Variants in SLC6A4 observed in about 807,000 individuals in gnomAD.
SLC6A4 encodes solute carrier family 6 member 4, also known as sodium-dependent serotonin transporter.
In SLC6A4, 22 loss-of-function variants were observed where a neutral mutation model predicts 73.4. The ratio of observed to expected loss-of-function variants is 0.30; its 90% CI spans 0.21 to 0.43. The LOEUF is 0.43. SLC6A4 is among the 20% of genes least tolerant of loss of function. The pLI is 1.00. For synonymous variants in SLC6A4, 270 were observed against 315.5 expected, an observed-to-expected ratio of 0.86 and a Z score of 1.53; for missense variants, 593 against 808.5, an observed-to-expected ratio of 0.73 and a Z score of 3.23.
intron 8 of SLC6A4, among the ~76,000 whole-genome samples, chr17:30,215,308 G>A (rs998869297): frequency 5.9e-5 from 9 of 152,232 alleles, no homozygotes; most frequent in African/African-American, 2.2e-4. Context: ...CTCCCAAAGT[G>A]CTGGGATTAC....
chr17:30,214,422 C>CAAAAAAAAAAAAAA (rs748274109), intron 8 of SLC6A4, among the ~76,000 whole-genome samples: 1 of 79,516 alleles, frequency 1.3e-5, no homozygotes, highest in Non-Finnish European at 2.2e-5. Context: ...AACTCCGTCT[C>CAAAAAAAAAAAAAA]AAAAAAAAAA....
intron 1 of SLC6A4, among the ~76,000 whole-genome samples, chr17:30,234,124 G>A (rs994031455): frequency 1.1e-4 from 16 of 151,748 alleles, no homozygotes; most frequent in Non-Finnish European, 1.9e-4. Flanking sequence ...AACATCCCCC[G>A]AGAGGAATTT....
At chr17:30,220,827 G>C (rs1906722766) in intron 3 of SLC6A4, among the ~76,000 whole-genome samples, 1 of 152,148 alleles carries the variant, frequency 6.6e-6, no homozygotes, top group African/African-American at 2.4e-5. Context: ...GGAGAATGCA[G>C]GATGAGAAGG....
chr17:30,216,319 G>A (rs1397423779), intron 6 of SLC6A4, 103 bp from the exon 7 acceptor site: 1 of 527,642 alleles, frequency 1.9e-6, no homozygotes, highest in African/African-American at 2.0e-5. Flanking sequence ...GGAGGGAGGT[G>A]GGTGAATGGA....
At chr17:30,204,914 G>A (rs1269409425) in intron 13 of SLC6A4, among the ~76,000 whole-genome samples, 1 of 152,126 alleles carries the variant, frequency 6.6e-6, no homozygotes, top group Non-Finnish European at 1.5e-5. Flanking sequence ...CATCAAGAGT[G>A]TACCCAGTCT....
chr17:30,206,712 C>CTTTTCTTTTCT (rs61636654), intron 13 of SLC6A4, among the ~76,000 whole-genome samples: 3 of 80,296 alleles, frequency 3.7e-5, no homozygotes, highest in Non-Finnish European at 7.2e-5. Context: ...CTTTTCTTTT[C>CTTTTCTTTTCT]TTTTTTTTTT....
At chr17:30,223,603 T>G in intron 1 of SLC6A4, among the ~76,000 whole-genome samples, 1 of 152,246 alleles carries the variant, frequency 6.6e-6, no homozygotes, top group African/African-American at 2.4e-5. Flanking sequence ...AATAAAAATT[T>G]TAAAGGGATC....
At chr17:30,212,298 C>T (rs1457972257) in intron 9 of SLC6A4, among the ~76,000 whole-genome samples, 6 of 152,204 alleles carry the variant, frequency 3.9e-5, no homozygotes, top group Admixed American at 1.3e-4. Context: ...TTGGAGGCCC[C>T]AGAACTGGGT....
chr17:30,230,072 GA>G (rs1229889832), intron 1 of SLC6A4, among the ~76,000 whole-genome samples: 1 of 114,848 alleles, frequency 8.7e-6, no homozygotes, highest in African/African-American at 4.8e-5. Context: ...AGAAGAAGAA[GA>G]AGAAGAAGAA....
Position 30,207,759 on chromosome 17 carries a change from C to G in SLC6A4, c.1623G>C (p.Trp541Cys). 1.2e-6 allele frequency: 2 copies of G among 1,613,404 alleles called. No homozygotes were observed. Among genetic ancestry groups the G allele is most frequent in the African/African-American group, 1.3e-5 (1 of 74,994 alleles). ...FSPGWFWRICWVAISPLFLLF... is the reference protein window; with the variant it reads ...FSPGWFWRICCVAISPLFLLF... ...GGAGAAACAGAGGGCTGATGGCCACCCAGCAGATCCTCCAGAACCACCCCG... is the reference window on the plus strand; with the variant it reads ...GGAGAAACAGAGGGCTGATGGCCACGCAGCAGATCCTCCAGAACCACCCCG... Residue 541 changes from tryptophan (W) to cysteine (C), a missense_variant, in exon 13 of 15, where the codon TGG (tryptophan) becomes TGC (cysteine). By Grantham distance (215) the Trp-to-Cys change is radical (BLOSUM62 -2). Transcript: ENST00000650711.
chr17:30,200,299 G>A (rs1185088257), intron 14 of SLC6A4, among the ~76,000 whole-genome samples: 1 of 152,250 alleles, frequency 6.6e-6, no homozygotes, highest in East Asian at 1.9e-4. Context: ...CTACCGTTGT[G>A]CTGGAAATTT....
intron 6 of SLC6A4, 48 bp from the exon 7 acceptor site, chr17:30,216,264 G>T (rs200811000): frequency 1.5e-5 from 11 of 731,776 alleles, no homozygotes; most frequent in Non-Finnish European, 2.1e-5. Flanking sequence ...GAGGGGAGGG[G>T]AGGGGAGGGG....
At position 30,222,017 on chromosome 17, in the gene SLC6A4, G is replaced by C; in HGVS notation, c.-59C>G. 6.2e-7 allele frequency: 1 copy of C among 1,611,460 alleles called. No individual in the cohort carries two copies. Among genetic ancestry groups the C allele is most frequent in the South Asian group, 1.1e-5 (1 of 90,718 alleles). ...TGCCAAGGATCCCAATTGATCTCTG[G>C]GTGCTTGGATTTGTGGATCACCTCC... On this transcript the variant is annotated 5_prime_UTR_variant, in exon 3 of 15. Transcript: ENST00000650711.
At chr17:30,228,112 G>A (rs1422611872) in intron 1 of SLC6A4, among the ~76,000 whole-genome samples, 5 of 152,208 alleles carry the variant, frequency 3.3e-5, no homozygotes, top group Admixed American at 2.6e-4. Flanking sequence ...TCCTTCCAGA[G>A]TCATCTTTCA....
chr17:30,230,116 A>AG lies in SLC6A4; in HGVS notation c.-221+5496dup, dbSNP rs1567824225. Among the ~76,000 whole-genome samples the AG allele has an allele frequency of 1.6e-3, 219 of 133,954 alleles. 3 individuals are homozygous for AG. The highest frequency in any genetic ancestry group is 6.3e-3 in the African/African-American group (208 of 32,978). The allele number at this position is 133,954 out of a possible 152,430, so 87.9% of individuals were successfully genotyped here. A position where few individuals can be genotyped will look rare whatever the true frequency, so the allele number is the denominator to read the frequency against. ...AAGAAGAGGAGGAAGAGGAAGAGGA[A>AG]GAGGAAGAGGAGGAGGAGGAGGAGG... On this transcript the variant is annotated intron_variant, in intron 1 of 14. Transcript: ENST00000650711.
rs763486810 is a variant in SLC6A4, at chr17:30,212,838, C to T, written c.1106G>A (p.Cys369Tyr). The change falls in exon 9 of 15, where the codon TGC becomes TAC. Residue 369 changes from cysteine to tyrosine, a missense_variant. By Grantham distance (194) the Cys-to-Tyr change is radical (BLOSUM62 -2). Coordinates refer to ENST00000650711, the MANE Select transcript of SLC6A4 (RefSeq NM_001045.6). The stretch of plus-strand genomic sequence containing the variant: ...AAATCCCGAAACGAAGCTCGTCATG[C>T]AGTTCACCACGCTGGTCACCAGGGC... Reference protein sequence around the residue: ...QDALVTSVVNCMTSFVSGFVI... With the variant: ...QDALVTSVVNYMTSFVSGFVI... 1 of 1,613,996 alleles carries T rather than the reference C, an allele frequency of 6.2e-7. No homozygotes were observed. Among genetic ancestry groups the T allele is most frequent in the African/African-American group, 1.3e-5 (1 of 74,906 alleles).
intron 7 of SLC6A4, 27 bp downstream of exon 7, chr17:30,216,055 G>C: frequency 6.2e-7 from 1 of 1,605,856 alleles, no homozygotes; most frequent in Non-Finnish European, 8.5e-7. Context: ...TGACAGACAG[G>C]TACACATATT....
At chr17:30,228,312 A>T (rs1906987502) in intron 1 of SLC6A4, among the ~76,000 whole-genome samples, 1 of 152,236 alleles carries the variant, frequency 6.6e-6, no homozygotes, top group Non-Finnish European at 1.5e-5. Context: ...GAATTAAAGT[A>T]TGACACATGC....
intron 14 of SLC6A4, among the ~76,000 whole-genome samples, chr17:30,200,068 G>C (rs1280022295): frequency 6.6e-6 from 1 of 152,106 alleles, no homozygotes; most frequent in Non-Finnish European, 1.5e-5. Flanking sequence ...TCAACTATTA[G>C]AACTTGTCTT....
Sources: allele counts gnomAD v4.1 joint callset (sites outside exome capture counted in the v4.1 genomes callset), GRCh38; gene constraint gnomAD v4.1.1; transcripts MANE v1.5; gene names NCBI Gene and HGNC (gene_info 2026-07-23, HGNC 2026-07-21).